The following TTC23L variants were observed in gnomAD, a reference collection of about 807,000 sequenced individuals.
TTC23L encodes the protein tetratricopeptide repeat protein 23-like.
Under a neutral mutation model 48.1 loss-of-function variants are expected in TTC23L, and 42 were observed. The observed-to-expected ratio is 0.87, with a 90% CI of 0.68 to 1.13. The LOEUF is 1.13. Among genes scored for constraint, TTC23L ranks in the 50% most tolerant of loss-of-function variants. TTC23L has a pLI of 0.00. For missense variants in TTC23L, 391 were observed against 421.0 expected (o/e 0.93, Z 0.62); for synonymous variants, 159 against 157.2 (o/e 1.01, Z -0.09).
chr5:34,845,384 T>C lies in TTC23L; in HGVS notation c.69-103T>C, dbSNP rs1439198613. 6.6e-6 allele frequency: 8 copies of C among 1,206,742 alleles called. No homozygotes were observed. In the Admixed American group the frequency reaches 2.0e-4, roughly 31 times the overall value. The allele number at this position is 1,206,742 out of a possible 1,614,324, so 74.8% of individuals were successfully genotyped here. On this transcript the variant is annotated intron_variant, in intron 2 of 10. Coordinates refer to ENST00000505624, the Ensembl canonical transcript of TTC23L. ...TATTCCTTCCGGTTTATGTTAGAAA[T>C]CATGTCCCTATCCCCTAGTTGGGAG...
chr5:34,846,456 A>G (rs1238483577), intron 3 of TTC23L, among the ~76,000 whole-genome samples: 1 of 149,036 alleles, frequency 6.7e-6, no homozygotes, highest in Non-Finnish European at 1.5e-5. Flanking sequence ...GCTACTTGGG[A>G]GGCTGAGGCA....
At chr5:34,920,362 T>A in the TTC23L span, 1 of 151,898 alleles carries the variant, frequency 6.6e-6, no homozygotes, top group Non-Finnish European at 1.5e-5. Flanking sequence ...CACTTAGGTA[T>A]TTTTTTTAAC....
the TTC23L span, chr5:34,922,126 T>G: frequency 3.0e-6 from 2 of 677,136 alleles, no homozygotes; most frequent in Non-Finnish European, 2.5e-6. Flanking sequence ...TAGGTATTTT[T>G]GAGATAATCT....
intron 7 of TTC23L, 35 bp downstream of exon 7, chr5:34,867,104 C>T (rs1295880713): frequency 1.9e-6 from 3 of 1,588,778 alleles, no homozygotes; most frequent in African/African-American, 1.3e-5. Context: ...GCTGGGTTGC[C>T]TTGTTTGGCC....
chr5:34,870,287 G>T (rs1179813788), intron 8 of TTC23L, among the ~76,000 whole-genome samples: 8 of 152,000 alleles, frequency 5.3e-5, no homozygotes, highest in African/African-American at 1.9e-4. Context: ...TTGGAGGAAA[G>T]AATTTTTCTA....
At chr5:34,887,892 C>A (rs920378187) in intron 9 of TTC23L, among the ~76,000 whole-genome samples, 1 of 152,196 alleles carries the variant, frequency 6.6e-6, no homozygotes, top group African/African-American at 2.4e-5. Context: ...TACCATGTTT[C>A]ACACAAAGTC....
chr5:34,920,125 A>G, the TTC23L span: 1 of 314,854 alleles, frequency 3.2e-6, no homozygotes, highest in Non-Finnish European at 5.9e-6. Context: ...ATTATGTCCC[A>G]TTTTTTAACC....
At chr5:34,862,002 A>G (rs919788173) in intron 4 of TTC23L, among the ~76,000 whole-genome samples, 5 of 152,168 alleles carry the variant, frequency 3.3e-5, no homozygotes, top group Admixed American at 6.5e-5. Context: ...CCTTCATGCA[A>G]TGCATATTTG....
chr5:34,911,496 C>G, the TTC23L span: 2 of 1,563,050 alleles, frequency 1.3e-6, no homozygotes, highest in Non-Finnish European at 1.7e-6. Flanking sequence ...AAGCAAATGT[C>G]TAAGTGGGAA....
At chr5:34,910,584 C>G in the TTC23L span, among the ~76,000 whole-genome samples, 7 of 152,156 alleles carry the variant, frequency 4.6e-5, no homozygotes, top group African/African-American at 1.7e-4. Context: ...CGTGCCACCA[C>G]GCCCAACTAA....
the TTC23L span, chr5:34,914,540 A>C: frequency 1.4e-6 from 1 of 731,884 alleles, no homozygotes; most frequent in East Asian, 2.7e-5. Flanking sequence ...TTTGTTCTCT[A>C]ACTTAAGACT....
At chr5:34,924,955 C>T in the TTC23L span, 4 of 1,613,314 alleles carry the variant, frequency 2.5e-6, no homozygotes, top group Admixed American at 3.3e-5. Flanking sequence ...TGAAAATCCT[C>T]ACTACCAGTC....
intron 4 of TTC23L, among the ~76,000 whole-genome samples, chr5:34,853,441 G>T (rs1759852449): frequency 1.3e-5 from 2 of 152,174 alleles, no homozygotes. Context: ...TGAGGCAGGA[G>T]AATTGCTTGA....
chr5:34,846,600 T>TAC (rs1156477205), intron 3 of TTC23L, among the ~76,000 whole-genome samples: 7,170 of 92,604 alleles, frequency 0.077, 888 homozygotes, highest in South Asian at 0.11. Flanking sequence ...TATATATATA[T>TAC]ACACACACAT....
chr5:34,900,867 C>T (rs999160037), downstream of TTC23L, among the ~76,000 whole-genome samples: 4 of 152,234 alleles, frequency 2.6e-5, no homozygotes, highest in African/African-American at 9.6e-5. Flanking sequence ...ATTAGCATCA[C>T]ATAGCGTTTT....
chr5:34,845,495 A>C, exon 3 of TTC23L: 1 of 1,613,142 alleles, frequency 6.2e-7, no homozygotes, highest in South Asian at 1.1e-5. Context: ...AGGTCACAGC[A>C]AACCGAGATC....
In TTC23L at chr5:34,863,326, C is replaced by T. The variant is rs2150397622; in HGVS notation, c.536+272C>T. Reference sequence around the variant, plus strand: ...GAAGGTTTTCTGAGTCTGTTCTGCTCTTCATTGAGCACCCAAGAAAATCAG... The same window carrying T: ...GAAGGTTTTCTGAGTCTGTTCTGCTTTTCATTGAGCACCCAAGAAAATCAG... On this transcript the variant is annotated intron_variant, in intron 5 of 10. Coordinates refer to ENST00000505624, the Ensembl canonical transcript of TTC23L. This position sits in a 1 kb window ranked among gnomAD's most constrained non-coding sequence, Gnocchi z 4.1. 6.6e-6 allele frequency among the ~76,000 whole-genome samples: 1 copy of T among 152,294 alleles called. No individual in the cohort carries two copies. Among genetic ancestry groups the T allele is most frequent in the South Asian group, 2.1e-4 (1 of 4,826 alleles).
At chr5:34,851,762 C>G (rs183173241) in intron 4 of TTC23L, among the ~76,000 whole-genome samples, 81 of 152,292 alleles carry the variant, frequency 5.3e-4, no homozygotes, top group African/African-American at 1.9e-3. Flanking sequence ...TGATAAGAGT[C>G]AAATTTAGGG....
the TTC23L span, among the ~76,000 whole-genome samples, chr5:34,919,274 C>CAAAA: frequency 5.6e-5 from 2 of 35,960 alleles, no homozygotes; most frequent in Admixed American, 3.8e-4. Flanking sequence ...GACCCTGTCT[C>CAAAA]AAAAAAAAAA....
Sources: allele counts gnomAD v4.1 joint callset (sites outside exome capture counted in the v4.1 genomes callset), GRCh38; gene constraint gnomAD v4.1.1; non-coding constraint Gnocchi (gnomAD v3.1); transcripts MANE v1.5; gene names NCBI Gene and HGNC (gene_info 2026-07-23, HGNC 2026-07-21).